The following DAAM2 variants were observed in gnomAD, a reference collection of about 807,000 sequenced individuals.
DAAM2 encodes dishevelled associated activator of morphogenesis 2, also known as disheveled-associated activator of morphogenesis 2.
DAAM2 carries 39 observed loss-of-function variants against 120.7 expected under a neutral mutation model. The ratio of observed to expected loss-of-function variants is 0.32; its 90% CI spans 0.25 to 0.42. The LOEUF (loss-of-function observed/expected upper bound fraction) is 0.42, where lower values mean the gene tolerates loss of function less well. Ranked by LOEUF, DAAM2 falls within the 10% of genes least tolerant of loss-of-function variation. The pLI is 1.00. For missense variants in DAAM2, 1,283 were observed against 1,401.7 expected, an observed-to-expected ratio of 0.92 and a Z score of 1.35; for synonymous variants, 488 against 524.9, an observed-to-expected ratio of 0.93 and a Z score of 0.96.
rs2149381125 is a variant in DAAM2, at chr6:39,900,202, G to A, written c.2805G>A (p.Arg935=). The change falls in exon 23 of 25, where the codon AGG becomes AGA. Residue 935 remains arginine, a synonymous_variant. Coordinates refer to ENST00000274867, the MANE Select transcript of DAAM2 (RefSeq NM_001201427.2). ...TGGAGGACCAGCTAAATGAGGCCAG[G>A]GACAAGGTAAGGGTGCCCCAACCCC... ...SELEDQLNEA[R]DKFAKALMHF... is the part of the protein sequence containing the mutation. 1 of 1,609,896 alleles carries A rather than the reference G, an allele frequency of 6.2e-7. No homozygotes were observed. Among genetic ancestry groups the A allele is most frequent in the South Asian group, 1.1e-5 (1 of 89,932 alleles).
intron 17 of DAAM2, 21 bp from the exon 18 acceptor site, chr6:39,891,320 A>T: frequency 6.4e-7 from 1 of 1,568,504 alleles, no homozygotes; most frequent in Non-Finnish European, 8.7e-7. Flanking sequence ...TGCTTGTGTG[A>T]CTTGCGCCTG....
chr6:39,823,572 G>C (rs1163817250), intron 1 of DAAM2, among the ~76,000 whole-genome samples: 2 of 152,218 alleles, frequency 1.3e-5, no homozygotes, highest in East Asian at 3.9e-4. Flanking sequence ...GGAAGTGTGG[G>C]GCCTCCCTGG....
chr6:39,849,407 G>T (rs144827171), intron 1 of DAAM2, among the ~76,000 whole-genome samples: 193 of 152,328 alleles, frequency 1.3e-3, no homozygotes, highest in Admixed American at 3.1e-3. Flanking sequence ...AAGTAGAACA[G>T]CAGCTTATCT....
At chr6:39,896,287 C>A (rs1766084756) in intron 19 of DAAM2, among the ~76,000 whole-genome samples, 1 of 152,026 alleles carries the variant, frequency 6.6e-6, no homozygotes, top group African/African-American at 2.4e-5. Flanking sequence ...ACTGCAGCCT[C>A]AGCCTCCTGG....
rs373953758 is a variant in DAAM2, at chr6:39,876,706, G to GGT, written c.1301+1260_1301+1261dup. ...GGGGCCAGGAAACTGGAATGGGAAG[G>GGT]GTGTGTGTGTGTGTGTGTGTGTGCG... On this transcript the variant is annotated intron_variant, in intron 11 of 24. Coordinates refer to ENST00000274867, the MANE Select transcript of DAAM2 (RefSeq NM_001201427.2). Among the ~76,000 whole-genome samples, 880 of 149,552 alleles carry GGT rather than the reference G, an allele frequency of 5.9e-3. 4 individuals are homozygous for GGT. Among genetic ancestry groups the GGT allele is most frequent in the East Asian group, 0.012 (59 of 5,072 alleles).
intron 1 of DAAM2, among the ~76,000 whole-genome samples, chr6:39,846,792 T>G (rs928309001): frequency 2.0e-5 from 3 of 151,816 alleles, no homozygotes; most frequent in South Asian, 2.1e-4. Context: ...CAAACTGAAC[T>G]CATGCTTATT....
rs779368077 is a variant in DAAM2, at chr6:39,891,719, G to C, written c.2338G>C (p.Glu780Gln). ...ERLAEAKPKV[E>Q]AILLASRELV... ...GCTGGCTGAGGCAAAGCCCAAAGTG[G>C]AAGGTAGGGCTGAGGGTTGCAGGAG... The change falls in exon 19 of 25, where the codon GAA (glutamate) becomes CAA (glutamine). Residue 780 changes from glutamate (E) to glutamine (Q), a missense_variant. Around this residue, in one of 3 missense-constraint regions of DAAM2, gnomAD observed 748 missense variants for 768.6 expected, o/e 0.97. Transcript: ENST00000274867. 1 of 1,600,006 alleles carries C rather than the reference G, an allele frequency of 6.2e-7. No homozygotes were observed.
At chr6:39,825,540 T>C (rs1374585219) in intron 1 of DAAM2, among the ~76,000 whole-genome samples, 8 of 151,998 alleles carry the variant, frequency 5.3e-5, no homozygotes, top group Non-Finnish European at 1.5e-5. Flanking sequence ...GGGGGCACTT[T>C]CCTGAGCCTG....
chr6:39,884,128 C>A, intron 15 of DAAM2, 59 bp downstream of exon 15: 1 of 896,006 alleles, frequency 1.1e-6, no homozygotes, highest in Non-Finnish European at 1.8e-6. Context: ...ACCTCAGCTT[C>A]TCCTTTTCTT....
rs1032731548 is a variant in DAAM2 at position 39,864,319 on chromosome 6, G to A, written c.259-114G>A. The A allele has an allele frequency of 1.5e-5, 11 of 757,664 alleles. No individual in the cohort carries two copies. In the Admixed American group the frequency reaches 1.9e-4, roughly 13 times the overall value. 46.9% of individuals were successfully genotyped at this position (757,664 alleles called of 1,614,324 possible). ...GAGTGTAATTTCCTCCAACCCACCC[G>A]ACATGGGCAGAGCTGAGAAATGAAT... On this transcript the variant is annotated intron_variant, in intron 3 of 24. Coordinates refer to ENST00000274867, the MANE Select transcript of DAAM2 (RefSeq NM_001201427.2).
chr6:39,803,737 TC>T (rs1056673618), intron 1 of DAAM2, among the ~76,000 whole-genome samples: 1 of 151,978 alleles, frequency 6.6e-6, no homozygotes, highest in African/African-American at 2.4e-5. Flanking sequence ...TTGGGTGCTG[TC>T]CCCCTAGAAC....
chr6:39,830,895 G>T (rs1386803082), intron 1 of DAAM2, among the ~76,000 whole-genome samples: 1 of 152,150 alleles, frequency 6.6e-6, no homozygotes, highest in Non-Finnish European at 1.5e-5. Context: ...ACCATTTCAG[G>T]CCCTTCCTCC....
chr6:39,898,415 C>T (rs890644180), intron 21 of DAAM2, among the ~76,000 whole-genome samples: 7 of 152,132 alleles, frequency 4.6e-5, no homozygotes, highest in African/African-American at 1.7e-4. Context: ...GGGGCACCAA[C>T]AGCATCTGCT....
In DAAM2 at chr6:39,867,682, A is replaced by G. The variant is rs1270824389; in HGVS notation, c.601A>G (p.Ile201Val). 4 of 1,613,924 alleles carry G rather than the reference A, an allele frequency of 2.5e-6. No homozygotes were observed. Among genetic ancestry groups the G allele is most frequent in the African/African-American group, 2.7e-5 (2 of 74,944 alleles). The change falls in exon 6 of 25, where the codon ATT (isoleucine) becomes GTT (valine). Residue 201 changes from isoleucine (I) to valine (V), a missense_variant. Physicochemically the swap from Ile to Val is conservative, Grantham distance 29. This residue lies in a region of DAAM2 where 338 missense variants were observed against 443.9 expected (regional missense o/e 0.76). Transcript: ENST00000274867. ...RAHVLAQPEA[I>V]STIAQSLRTE... is the part of the protein sequence containing the mutation. ...ACATGTGCTGGCACAGCCTGAGGCC[A>G]TTAGTACCATAGCCCAGAGCCTACG... is the stretch of plus-strand genomic sequence containing the variant.
At chr6:39,805,580 A>G (rs2114027351) in intron 1 of DAAM2, among the ~76,000 whole-genome samples, 2 of 149,340 alleles carry the variant, frequency 1.3e-5, no homozygotes, top group South Asian at 4.2e-4. Flanking sequence ...TTTGAGACAG[A>G]GTCTCGCTCT....
intron 1 of DAAM2, among the ~76,000 whole-genome samples, chr6:39,826,617 G>A (rs1012995223): frequency 1.4e-4 from 21 of 152,138 alleles, no homozygotes; most frequent in African/African-American, 5.1e-4. Flanking sequence ...CTGGACACCA[G>A]GCTAGTTTGT....
At chr6:39,880,640 C>G (rs1389197904) in intron 14 of DAAM2, among the ~76,000 whole-genome samples, 1 of 151,094 alleles carries the variant, frequency 6.6e-6, no homozygotes, top group African/African-American at 2.5e-5. Flanking sequence ...GTAAATCACT[C>G]AACTTGTCTG....
intron 17 of DAAM2, 169 bp from the exon 18 acceptor site, chr6:39,891,172 G>A (rs879348237): frequency 4.4e-5 from 25 of 570,576 alleles, no homozygotes; most frequent in Middle Eastern, 2.9e-4. Flanking sequence ...AGAGCTGTGT[G>A]CCCTGTCATC....
chr6:39,852,505 C>T (rs1001764236), intron 1 of DAAM2, among the ~76,000 whole-genome samples: 2 of 152,198 alleles, frequency 1.3e-5, no homozygotes, highest in Non-Finnish European at 2.9e-5. Context: ...GTCACCCCAT[C>T]ATTGCCTGGA....
Sources: gnomAD v4.1 joint callset for allele counts (sites outside exome capture counted in the v4.1 genomes callset) on GRCh38, gnomAD v4.1.1 for gene constraint, gnomAD v4.1.1 regional missense constraint, MANE v1.5 for transcripts, NCBI Gene and HGNC (gene_info 2026-07-23, HGNC 2026-07-21) for gene names.